The following GREB1L variants were observed in gnomAD, a reference collection of about 807,000 sequenced individuals.
The protein encoded by GREB1L is GREB1 like retinoic acid receptor coactivator.
In GREB1L, 17 loss-of-function variants were observed where a neutral mutation model predicts 200.8. The ratio of observed to expected loss-of-function variants is 0.08; its 90% CI spans 0.06 to 0.13. GREB1L has a LOEUF of 0.13. GREB1L is among the 10% of genes least tolerant of loss of function. GREB1L has a pLI of 1.00. For missense variants in GREB1L, 1,657 were observed against 2,367.7 expected (o/e 0.70, Z 6.23); for synonymous variants, 789 against 893.0 (o/e 0.88, Z 2.08).
chr18:21,479,683 A>G lies in GREB1L; in HGVS notation c.2556+2327A>G, dbSNP rs1221736129. 2.4e-3 allele frequency among the ~76,000 whole-genome samples: 364 copies of G among 151,924 alleles called. 1 individual carries two copies. The highest frequency in any genetic ancestry group is 6.0e-3 in the African/African-American group (250 of 41,400). On this transcript the variant is annotated intron_variant, in intron 17 of 32. Transcript: ENST00000424526. ...GACATAGCAAGACCCTGTCTCAAAA[A>G]AAAAAAAAAATCATTTTAAGGAAGT...
intron 1 of GREB1L, among the ~76,000 whole-genome samples, chr18:21,296,255 A>C (rs2038526109): frequency 6.6e-6 from 1 of 152,236 alleles, no homozygotes; most frequent in Non-Finnish European, 1.5e-5. Context: ...AGCCATAAAA[A>C]AGCATGAAGT....
At chr18:21,408,847 G>A (rs1223075686) in intron 7 of GREB1L, among the ~76,000 whole-genome samples, 1 of 149,520 alleles carries the variant, frequency 6.7e-6, no homozygotes, top group Non-Finnish European at 1.5e-5. Context: ...CTCTAGAACA[G>A]CTGTCATAAA....
At chr18:21,422,987 G>C (rs2032277595) in intron 7 of GREB1L, among the ~76,000 whole-genome samples, 1 of 152,082 alleles carries the variant, frequency 6.6e-6, no homozygotes, top group Non-Finnish European at 1.5e-5. Flanking sequence ...CTGGAGTATA[G>C]TGGCGCGATC....
intron 4 of GREB1L, among the ~76,000 whole-genome samples, chr18:21,391,158 C>A (rs899123446): frequency 6.6e-6 from 1 of 152,162 alleles, no homozygotes; most frequent in African/African-American, 2.4e-5. Flanking sequence ...ACTGACTCAC[C>A]CAGAGCAACT....
intron 1 of GREB1L, among the ~76,000 whole-genome samples, chr18:21,246,011 C>G (rs546731673): frequency 2.6e-5 from 4 of 152,224 alleles, no homozygotes; most frequent in African/African-American, 7.2e-5. Context: ...CGTGAGCCAC[C>G]ATGCCTGGCC....
chr18:21,431,738 A>G (rs1039052261), intron 7 of GREB1L, among the ~76,000 whole-genome samples: 2 of 151,930 alleles, frequency 1.3e-5, no homozygotes, highest in African/African-American at 4.8e-5. Flanking sequence ...CTTGTTATTA[A>G]ATAGCTGTTT....
intron 14 of GREB1L, 145 bp downstream of exon 14, chr18:21,452,362 A>G: frequency 1.3e-6 from 1 of 765,222 alleles, no homozygotes; most frequent in Non-Finnish European, 2.0e-6. Flanking sequence ...AACCTGGTTG[A>G]AATTAAAAAT....
In GREB1L at chr18:21,432,708, T is replaced by TTC. The variant is rs202013433; in HGVS notation, c.833-6812_833-6811insCT. 7.1e-3 allele frequency among the ~76,000 whole-genome samples: 1,003 copies of TTC among 140,568 alleles called. 14 individuals are homozygous for TTC. Among genetic ancestry groups the TTC allele is most frequent in the African/African-American group, 0.024 (900 of 37,486 alleles). The allele number at this position is 140,568 out of a possible 152,430, so 92.2% of individuals were successfully genotyped here. The stretch of plus-strand genomic sequence containing the variant: ...TATTTAACATTTTCTTTTTTTTCTT[T>TTC]TTTTTTTTTTTTTTTTGAGACAGTG... On this transcript the variant is annotated intron_variant, in intron 7 of 32. Transcript: ENST00000424526.
rs554332309 is a variant in GREB1L at position 21,444,276 on chromosome 18, T to C, written c.1260T>C (p.Ser420=). The change falls in exon 11 of 33, where the codon AGT becomes AGC. Residue 420 remains serine (S), a synonymous_variant. Coordinates refer to ENST00000424526, the MANE Select transcript of GREB1L (RefSeq NM_001142966.3). ...GAAATGTTGGTGACATTGTTGTGAG[T>C]CCTCTGCTGGTGAATTGCTACAAGA... is the stretch of plus-strand genomic sequence containing the variant. ...FYGNVGDIVV[S]PLLVNCYKIP... 5.5e-5 allele frequency: 86 copies of C among 1,551,710 alleles called. 1 individual carries two copies. The South Asian group carries it at 9.3e-4, about 17-fold the overall frequency.
intron 11 of GREB1L, among the ~76,000 whole-genome samples, chr18:21,448,179 A>G (rs2145379475): frequency 6.8e-6 from 1 of 148,068 alleles, no homozygotes; most frequent in Admixed American, 6.7e-5. Flanking sequence ...AAAAAGCAGC[A>G]GCAGCAGCAT....
intron 30 of GREB1L, 72 bp downstream of exon 30, chr18:21,516,826 T>C: frequency 7.2e-7 from 1 of 1,382,980 alleles, no homozygotes; most frequent in South Asian, 1.4e-5. Context: ...TTATTAGATG[T>C]TGGCATTAAG....
intron 1 of GREB1L, among the ~76,000 whole-genome samples, chr18:21,269,357 C>T (rs1261010056): frequency 1.3e-5 from 2 of 152,060 alleles, no homozygotes; most frequent in East Asian, 1.9e-4. Flanking sequence ...TTAGGAATGG[C>T]CTTTCTTCTC....
At chr18:21,272,528 T>C (rs951021982) in intron 1 of GREB1L, among the ~76,000 whole-genome samples, 7 of 152,262 alleles carry the variant, frequency 4.6e-5, no homozygotes, top group African/African-American at 1.4e-4. Flanking sequence ...AATGGACTTA[T>C]AATTTTTTGA....
intron 7 of GREB1L, among the ~76,000 whole-genome samples, chr18:21,412,273 T>C (rs1163862282): frequency 2.0e-5 from 3 of 151,460 alleles, no homozygotes; most frequent in African/African-American, 7.3e-5. Context: ...ATTAGCAACG[T>C]GTGTTGACAC....
chr18:21,279,773 G>A (rs2038236976), intron 1 of GREB1L, among the ~76,000 whole-genome samples: 1 of 152,194 alleles, frequency 6.6e-6, no homozygotes, highest in Non-Finnish European at 1.5e-5. Context: ...AGCCATGAGA[G>A]TAGCTGGGAC....
chr18:21,442,563 T>C (rs953851197), intron 10 of GREB1L, among the ~76,000 whole-genome samples: 1 of 152,198 alleles, frequency 6.6e-6, no homozygotes, highest in African/African-American at 2.4e-5. Context: ...GCCTGCCTTT[T>C]AGAAAGTCTC....
intron 17 of GREB1L, among the ~76,000 whole-genome samples, chr18:21,480,737 AG>A (rs2035882915): frequency 6.6e-6 from 1 of 152,184 alleles, no homozygotes; most frequent in Non-Finnish European, 1.5e-5. Flanking sequence ...CTGATGGTTT[AG>A]GCCAAGCACA....
At chr18:21,505,749 T>A in intron 24 of GREB1L, 61 bp from the exon 25 acceptor site, 1 of 1,485,744 alleles carries the variant, frequency 6.7e-7, no homozygotes, top group Non-Finnish European at 9.0e-7. Context: ...GGGACTTTTC[T>A]TTCCAGGCAT....
intron 1 of GREB1L, among the ~76,000 whole-genome samples, chr18:21,334,725 G>C (rs1372498028): frequency 1.3e-5 from 2 of 151,728 alleles, no homozygotes; most frequent in Non-Finnish European, 2.9e-5. Flanking sequence ...AGTAGGCTGA[G>C]ATTGCGCCAC....
Sources: allele counts gnomAD v4.1 joint callset (sites outside exome capture counted in the v4.1 genomes callset), GRCh38; gene constraint gnomAD v4.1.1; transcripts MANE v1.5; gene names NCBI Gene and HGNC (gene_info 2026-07-23, HGNC 2026-07-21).